ERC2: variants seen among roughly 807,000 people sequenced by gnomAD.
The protein encoded by ERC2 is ERC protein 2.
In ERC2, 42 loss-of-function variants were observed where a neutral mutation model predicts 114.8. The observed-to-expected ratio is 0.37, with a 90% CI of 0.29 to 0.47. The LOEUF (loss-of-function observed/expected upper bound fraction) is 0.47. Ranked by LOEUF, ERC2 falls within the 20% of genes least tolerant of loss-of-function variation. The pLI is 0.99. For synonymous variants in ERC2, 454 were observed against 425.5 expected (o/e 1.07, Z -0.82); for missense variants, 939 against 1,150.7 (o/e 0.82, Z 2.66).
intron 17 of ERC2, among the ~76,000 whole-genome samples, chr3:55,676,516 G>A (rs1312528546): frequency 1.9e-4 from 28 of 150,874 alleles, no homozygotes; most frequent in Middle Eastern, 3.4e-3. Context: ...CCACCCATTG[G>A]TATCTGTGTC....
chr3:56,396,993 G>T (rs1389019056), intron 2 of ERC2, among the ~76,000 whole-genome samples: 1 of 152,020 alleles, frequency 6.6e-6, no homozygotes, highest in African/African-American at 2.4e-5. Context: ...CAGTTCCCCT[G>T]CCTTTACCCT....
intron 12 of ERC2, among the ~76,000 whole-genome samples, chr3:55,952,140 C>A (rs1054900510): frequency 1.1e-4 from 4 of 36,740 alleles, no homozygotes; most frequent in Non-Finnish European, 1.8e-4. Context: ...CTCTAAAACA[C>A]ACACACACAC....
chr3:56,117,248 T>C (rs374868328), intron 6 of ERC2, among the ~76,000 whole-genome samples: 1 of 152,206 alleles, frequency 6.6e-6, no homozygotes, highest in East Asian at 1.9e-4. Flanking sequence ...TAATGGTCAC[T>C]AGACTGAATA....
Position 55,870,913 on chromosome 3 carries a change from T to C in ERC2, c.2564+17476A>G, listed in dbSNP as rs1296407058. ...CCCCATTTCAGATACCTTCTCTCCC[T>C]AGCTTCCATTGCAGCCAGGGCTAGA... On this transcript the variant is annotated intron_variant, in intron 14 of 17. Transcript: ENST00000288221. Among the ~76,000 whole-genome samples, 4 of 152,232 alleles carry C rather than the reference T, an allele frequency of 2.6e-5. 1 individual carries two copies. The highest frequency in any genetic ancestry group is 4.4e-5 in the Non-Finnish European group (3 of 68,032).
intron 2 of ERC2, among the ~76,000 whole-genome samples, chr3:56,380,237 A>G (rs1309823956): frequency 2.0e-5 from 3 of 152,090 alleles, no homozygotes; most frequent in Non-Finnish European, 4.4e-5. Flanking sequence ...AGATCAGAAA[A>G]CTGAAGGTGT....
At chr3:56,416,146 C>T (rs1341460749) in intron 2 of ERC2, among the ~76,000 whole-genome samples, 2 of 152,202 alleles carry the variant, frequency 1.3e-5, no homozygotes, top group African/African-American at 2.4e-5. Context: ...CCAAGTCTAA[C>T]TTAATTCCTA....
intron 14 of ERC2, among the ~76,000 whole-genome samples, chr3:55,882,917 C>T (rs1430312145): frequency 6.6e-6 from 1 of 152,176 alleles, no homozygotes; most frequent in Admixed American, 6.5e-5. Flanking sequence ...CAAGAGGGTC[C>T]TTACCTTTGG....
intron 14 of ERC2, among the ~76,000 whole-genome samples, chr3:55,819,159 A>G (rs1368599541): frequency 1.3e-5 from 2 of 152,194 alleles, no homozygotes; most frequent in Non-Finnish European, 2.9e-5. Flanking sequence ...TTTTCTTTCA[A>G]TGGTCCTGGG....
At chr3:55,522,126 A>T (rs775014586) in intron 17 of ERC2, among the ~76,000 whole-genome samples, 1 of 152,092 alleles carries the variant, frequency 6.6e-6, no homozygotes, top group Non-Finnish European at 1.5e-5. Context: ...CTTGCTACAC[A>T]CTTCTATGTG....
intron 6 of ERC2, among the ~76,000 whole-genome samples, chr3:56,131,887 T>C (rs573201887): frequency 7.2e-5 from 11 of 152,342 alleles, no homozygotes; most frequent in African/African-American, 2.4e-4. Context: ...GTGACAGATA[T>C]GTTAATTACC....
intron 14 of ERC2, among the ~76,000 whole-genome samples, chr3:55,867,712 A>C (rs2062391609): frequency 6.6e-6 from 1 of 152,200 alleles, no homozygotes; most frequent in African/African-American, 2.4e-5. Context: ...ATGTATGCAT[A>C]ATTTCTATTT....
intron 14 of ERC2, among the ~76,000 whole-genome samples, chr3:55,804,775 A>G (rs1324475198): frequency 6.6e-6 from 1 of 152,060 alleles, no homozygotes; most frequent in Non-Finnish European, 1.5e-5. Context: ...TGAAATAGCC[A>G]CCATCATTCT....
At chr3:56,079,310 C>T (rs2077119051) in intron 7 of ERC2, among the ~76,000 whole-genome samples, 1 of 152,082 alleles carries the variant, frequency 6.6e-6, no homozygotes, top group African/African-American at 2.4e-5. Flanking sequence ...ACACTTAAAG[C>T]ACACCTCAGT....
chr3:55,961,792 T>TA (rs1322743597), intron 12 of ERC2, among the ~76,000 whole-genome samples: 3 of 140,982 alleles, frequency 2.1e-5, no homozygotes, highest in East Asian at 2.1e-4. Context: ...CACTTTCTAT[T>TA]AAAAAAAATT....
At chr3:56,169,727 T>C (rs558325494) in intron 4 of ERC2, among the ~76,000 whole-genome samples, 1 of 152,184 alleles carries the variant, frequency 6.6e-6, no homozygotes, top group African/African-American at 2.4e-5. Context: ...AGATTTTCCT[T>C]CACTTAAAAT....
Position 56,463,034 on chromosome 3 carries a change from C to G in ERC2, c.-141+5214G>C, listed in dbSNP as rs183743908. 6.6e-5 allele frequency among the ~76,000 whole-genome samples: 10 copies of G among 152,238 alleles called. No individual in the cohort carries two copies. In the East Asian group the frequency reaches 1.9e-3, roughly 29 times the overall value. ...TTGAGCTCGGGAGTTCAAGACCAGC[C>G]TGGGCAACATGGGGAAATCTCATCT... is the stretch of plus-strand genomic sequence containing the variant. On this transcript the variant is annotated intron_variant, in intron 1 of 17. Coordinates refer to ENST00000288221, the MANE Select transcript of ERC2 (RefSeq NM_015576.3).
At chr3:55,937,345 T>C (rs2066511184) in intron 13 of ERC2, among the ~76,000 whole-genome samples, 1 of 151,996 alleles carries the variant, frequency 6.6e-6, no homozygotes, top group Non-Finnish European at 1.5e-5. Context: ...TGAGACTCCG[T>C]CTCAAAAACA....
intron 4 of ERC2, among the ~76,000 whole-genome samples, chr3:56,172,750 T>C (rs1319818560): frequency 2.0e-5 from 3 of 152,214 alleles, no homozygotes; most frequent in Non-Finnish European, 4.4e-5. Flanking sequence ...AATTTCTAGA[T>C]ACTAGCAAAG....
chr3:55,694,897 G>A (rs1391049243), intron 16 of ERC2, among the ~76,000 whole-genome samples: 1 of 152,166 alleles, frequency 6.6e-6, no homozygotes, highest in Non-Finnish European at 1.5e-5. Context: ...TAAGTTGGCT[G>A]GGGTGTGGAC....
Sources: gnomAD v4.1 joint callset for allele counts (sites outside exome capture counted in the v4.1 genomes callset) on GRCh38, gnomAD v4.1.1 for gene constraint, MANE v1.5 for transcripts, NCBI Gene and HGNC (gene_info 2026-07-23, HGNC 2026-07-21) for gene names.